The following MED13 variants were observed in gnomAD, a reference collection of about 807,000 sequenced individuals.
MED13 encodes the protein mediator of RNA polymerase II transcription subunit 13.
In MED13, 23 loss-of-function variants were observed where a neutral mutation model predicts 225.2. The ratio of observed to expected loss-of-function variants is 0.10; its 90% CI spans 0.07 to 0.14. The LOEUF is 0.14. Among genes scored for constraint, MED13 ranks in the 10% least tolerant of loss-of-function variants. MED13 has a pLI of 1.00. For missense variants in MED13, 2,197 were observed against 2,594.5 expected (o/e 0.85, Z 3.33); for synonymous variants, 942 against 889.2 (o/e 1.06, Z -1.06).
intron 22 of MED13, 41 bp from the exon 23 acceptor site, chr17:61,961,131 C>A: frequency 7.0e-7 from 1 of 1,424,630 alleles, no homozygotes; most frequent in Admixed American, 2.0e-5. Flanking sequence ...ACTATACAAT[C>A]TTAGAGAAAT....
intron 17 of MED13, 70 bp downstream of exon 17, chr17:61,972,657 T>C: frequency 1.5e-6 from 2 of 1,337,330 alleles, no homozygotes; most frequent in Non-Finnish European, 2.0e-6. Flanking sequence ...AATGTGCTTA[T>C]TCTAGTTGGG....
chr17:61,972,938 A>T lies in MED13; in HGVS notation c.3806-50T>A, dbSNP rs776735399. 13 of 1,483,524 alleles carry T rather than the reference A, an allele frequency of 8.8e-6. No individual in the cohort carries two copies. In the South Asian group the frequency reaches 1.7e-4, roughly 20 times the overall value. The allele number at this position is 1,483,524 out of a possible 1,614,324, so 91.9% of individuals were successfully genotyped here. The stretch of plus-strand genomic sequence containing the variant: ...GTAATTAAGAATTGCTATTGCCAAC[A>T]CAAATAAAATTTTAAGATAATACAA... On this transcript the variant is annotated intron_variant, in intron 16 of 29. Transcript: ENST00000397786.
At position 62,030,023 on chromosome 17, in the gene MED13, A is replaced by C; in HGVS notation, c.1010-10T>G. On this transcript the variant is annotated splice_polypyrimidine_tract_variant and intron_variant, in intron 6 of 29. Transcript: ENST00000397786. ...ACAGACTGAGGATCAACTGAAAACA[A>C]AACAAAAAAACAGGCTGTAGGAGAA... The C allele has an allele frequency of 6.6e-7, 1 of 1,524,550 alleles. No homozygotes were observed. 94.4% of individuals were successfully genotyped at this position (1,524,550 alleles called of 1,614,324 possible).
chr17:61,982,151 T>C, intron 16 of MED13, 47 bp downstream of exon 16: 1 of 1,526,914 alleles, frequency 6.5e-7, no homozygotes, highest in South Asian at 1.3e-5. Context: ...AGAATGTAAC[T>C]AAAGGGAAAT....
At chr17:61,998,925 C>CTTTTTTTTTTTTTTTT (rs10617153) in intron 9 of MED13, among the ~76,000 whole-genome samples, 1 of 103,864 alleles carries the variant, frequency 9.6e-6, no homozygotes, top group African/African-American at 3.7e-5. Context: ...TTAAATGGTA[C>CTTTTTTTTTTTTTTTT]TTTTTTTTTT....
intron 8 of MED13, among the ~76,000 whole-genome samples, chr17:62,012,332 T>A (rs1041096548): frequency 6.7e-6 from 1 of 149,934 alleles, no homozygotes; most frequent in Non-Finnish European, 1.5e-5. Context: ...AGAAACTTTT[T>A]TTTTTTTTTT....
intron 2 of MED13, among the ~76,000 whole-genome samples, chr17:62,056,937 T>G (rs558873567): frequency 2.0e-5 from 3 of 152,168 alleles, no homozygotes; most frequent in Non-Finnish European, 4.4e-5. Context: ...TAAATTTGAT[T>G]ACCATATTTT....
intron 2 of MED13, among the ~76,000 whole-genome samples, chr17:62,053,541 C>T (rs1205011489): frequency 6.6e-6 from 1 of 152,142 alleles, no homozygotes; most frequent in African/African-American, 2.4e-5. Context: ...ATATCTGTCA[C>T]AAAGCATCCA....
intron 3 of MED13, among the ~76,000 whole-genome samples, chr17:62,044,836 A>G (rs919804358): frequency 6.6e-6 from 1 of 152,092 alleles, no homozygotes; most frequent in African/African-American, 2.4e-5. Context: ...TCATTTTTGT[A>G]CTTTTAGTAG....
rs2143678159 is a variant in MED13, at chr17:62,031,479, A to G, written c.974T>C (p.Leu325Pro). The change falls in exon 6 of 30, where the codon CTT becomes CCT. Residue 325 changes from leucine (L) to proline (P), a missense_variant. By Grantham distance (98) the Leu-to-Pro change is moderately conservative (BLOSUM62 -3). Coordinates refer to ENST00000397786, the MANE Select transcript of MED13 (RefSeq NM_005121.3). ...TTCCTCAGGAGACGTAGGTGGTGTA[A>G]GCGTAACCGAAGACATAGCAGGATC... ...TRDPAMSSVT[L>P]TPPTSPEEVQ... is the part of the protein sequence containing the mutation. The G allele has an allele frequency of 6.2e-7, 1 of 1,613,356 alleles. No homozygotes were observed. The highest frequency in any genetic ancestry group is 2.2e-5 in the East Asian group (1 of 44,828).
At chr17:61,973,904 A>G (rs906931995) in intron 16 of MED13, among the ~76,000 whole-genome samples, 2 of 151,994 alleles carry the variant, frequency 1.3e-5, no homozygotes, top group African/African-American at 4.8e-5. Context: ...AATCGCTTAA[A>G]CCCAGAAGGC....
In MED13 at chr17:61,950,846, A is replaced by G; in HGVS notation, c.6270T>C (p.Tyr2090=). ...WFWSACPQAQ[Y]QCPLFLKASL... is the part of the protein sequence containing the mutation. ...ATACCTTAAGAAAAAGGGGACACTG[A>G]TATTGTGCTTGAGGACATGCTGACC... Residue 2090 remains tyrosine (Y), a synonymous_variant, in exon 28 of 30, where the codon TAT becomes TAC. Transcript: ENST00000397786. 1 of 1,612,708 alleles carries G rather than the reference A, an allele frequency of 6.2e-7. No individual in the cohort carries two copies. The highest frequency in any genetic ancestry group is 1.3e-5 in the African/African-American group (1 of 74,992).
At chr17:61,986,910 A>G in intron 12 of MED13, 97 bp downstream of exon 12, 1 of 746,722 alleles carries the variant, frequency 1.3e-6, no homozygotes, top group Non-Finnish European at 1.9e-6. Context: ...TCAGGGCTAA[A>G]ACATAGTATT....
chr17:61,998,905 C>T lies in MED13; in HGVS notation c.1968-3540G>A, dbSNP rs565024463. On this transcript the variant is annotated intron_variant, in intron 9 of 29. Transcript: ENST00000397786. The stretch of plus-strand genomic sequence containing the variant: ...TGAGCTACTGAGCCCAGCCTAAAAT[C>T]TCCCACTTTTTAAATGGTACTTTTT... Among the ~76,000 whole-genome samples the T allele has an allele frequency of 8.2e-5, 12 of 145,938 alleles. 1 individual carries two copies. Among genetic ancestry groups the T allele is most frequent in the Admixed American group, 2.8e-4 (4 of 14,184 alleles).
chr17:62,011,156 G>T lies in MED13; in HGVS notation c.1361C>A (p.Pro454His). 1 of 1,614,170 alleles carries T rather than the reference G, an allele frequency of 6.2e-7. No homozygotes were observed. The highest frequency in any genetic ancestry group is 1.1e-5 in the South Asian group (1 of 91,068). The stretch of plus-strand genomic sequence containing the variant: ...TTGCTTCTCATTGGTCTTGTGCTTA[G>T]GAAGTATTTGTTGTTGCTGACCTAA... ...PSLGQQQQILPKHKTNEKQEK... is the reference protein window; with the variant it reads ...PSLGQQQQILHKHKTNEKQEK... The change falls in exon 9 of 30, where the codon CCT (proline) becomes CAT (histidine). Residue 454 changes from proline to histidine, a missense_variant. Physicochemically the swap from Pro to His is moderately conservative, Grantham distance 77 (BLOSUM62 -2). Transcript: ENST00000397786.
chr17:61,989,933 C>G (rs2080280732), intron 11 of MED13, among the ~76,000 whole-genome samples: 1 of 152,168 alleles, frequency 6.6e-6, no homozygotes, highest in Non-Finnish European at 1.5e-5. Context: ...AGGGATTGCT[C>G]TGAATCTGTA....
At chr17:62,046,383 C>T (rs940724088) in intron 3 of MED13, among the ~76,000 whole-genome samples, 19 of 152,208 alleles carry the variant, frequency 1.2e-4, no homozygotes, top group African/African-American at 4.6e-4. Flanking sequence ...TCAAGAGTAA[C>T]TCGAAAGAGC....
At chr17:61,948,091 TA>T (rs1366848149) in intron 28 of MED13, among the ~76,000 whole-genome samples, 2 of 152,174 alleles carry the variant, frequency 1.3e-5, no homozygotes, top group African/African-American at 4.8e-5. Flanking sequence ...AAAATGTAAT[TA>T]GTACCAGTAC....
In MED13 at chr17:62,043,390, T is replaced by C. The variant is rs550784530; in HGVS notation, c.471-7782A>G. ...GACAGACATTAAGGACAAAACATTA[T>C]AGACAGGCTACAGGGAAAACAATAA... On this transcript the variant is annotated intron_variant, in intron 3 of 29. Transcript: ENST00000397786. 3.9e-5 allele frequency among the ~76,000 whole-genome samples: 6 copies of C among 152,176 alleles called. 1 individual carries two copies. The South Asian group carries it at 1.0e-3, about 26-fold the overall frequency.
Sources: allele counts gnomAD v4.1 joint callset (sites outside exome capture counted in the v4.1 genomes callset), GRCh38; gene constraint gnomAD v4.1.1; transcripts MANE v1.5; gene names NCBI Gene and HGNC (gene_info 2026-07-23, HGNC 2026-07-21).